Variants in CFAP46 observed in about 807,000 individuals in gnomAD.
CFAP46 encodes the protein cilia and flagella associated protein 46, also known as cilia- and flagella-associated protein 46.
CFAP46 carries 245 observed loss-of-function variants against 325.7 expected under a neutral mutation model. That is an observed-to-expected ratio of 0.75 (90% confidence interval 0.68 to 0.84). The LOEUF (loss-of-function observed/expected upper bound fraction) is 0.84. CFAP46 is among the 40% of genes least tolerant of loss of function. CFAP46 has a pLI of 0.00. For synonymous variants in CFAP46, 1,523 were observed against 1,495.9 expected (o/e 1.02, Z -0.42); for missense variants, 3,346 against 3,543.0 (o/e 0.94, Z 1.41).
In CFAP46 at chr10:132,907,118, C is replaced by T. The variant is rs111549755; in HGVS notation, c.2924+1350G>A. ...TGTGCAGGGCTGTGGGAAGATGGGG[C>T]GTGGGCCTGGGGCGCTCCTTGCCTC... On this transcript the variant is annotated intron_variant, in intron 22 of 57. Transcript: ENST00000368586. Among the ~76,000 whole-genome samples, 855 of 152,352 alleles carry T rather than the reference C, an allele frequency of 5.6e-3. 12 individuals carry two copies. The highest frequency in any genetic ancestry group is 0.019 in the African/African-American group (788 of 41,584).
At chr10:132,858,610 C>A (rs988788259) in intron 38 of CFAP46, among the ~76,000 whole-genome samples, 2 of 152,040 alleles carry the variant, frequency 1.3e-5, no homozygotes, top group Non-Finnish European at 2.9e-5. Context: ...CGCTACAGAG[C>A]CATGCAGGGC....
At position 132,866,188 on chromosome 10, in the gene CFAP46, C is replaced by T. The variant is rs1310164368; in HGVS notation, c.4744-17G>A. The T allele has an allele frequency of 3.3e-6, 5 of 1,501,202 alleles. No homozygotes were observed. The highest frequency in any genetic ancestry group is 4.5e-6 in the Non-Finnish European group (5 of 1,120,864). The allele number at this position is 1,501,202 out of a possible 1,614,324, so 93.0% of individuals were successfully genotyped here. On this transcript the variant is annotated splice_polypyrimidine_tract_variant and intron_variant, in intron 34 of 57. Coordinates refer to ENST00000368586, the MANE Select transcript of CFAP46 (RefSeq NM_001200049.3). ...CTTCAAAATCTGTAAGATACCGCAG[C>T]CCCAGGCGGCACGATCCTGACACTT... is the stretch of plus-strand genomic sequence containing the variant.
At chr10:132,875,566 C>T (rs1303728747) in intron 31 of CFAP46, among the ~76,000 whole-genome samples, 2 of 152,170 alleles carry the variant, frequency 1.3e-5, no homozygotes, top group Non-Finnish European at 2.9e-5. Context: ...GACCCCAAAG[C>T]AGCCCCATGC....
At chr10:132,935,955 C>A (rs113419083) in intron 7 of CFAP46, among the ~76,000 whole-genome samples, 47 of 56,414 alleles carry the variant, frequency 8.3e-4, no homozygotes, top group Admixed American at 2.3e-3. Context: ...AAACACACTG[C>A]GATCTCCTCA....
chr10:132,865,576 G>C (rs1000996353), intron 35 of CFAP46, among the ~76,000 whole-genome samples: 3 of 152,188 alleles, frequency 2.0e-5, no homozygotes, highest in East Asian at 1.9e-4. Flanking sequence ...CAGGGAGTGA[G>C]AGCAAAACAA....
chr10:132,821,511 CTGTGTGCTGTGTGCTGATGTGTGCTGA>C lies in CFAP46; in HGVS notation c.7118-6624_7118-6598del, dbSNP rs1366175786. On this transcript the variant is annotated intron_variant, in intron 50 of 57. Coordinates refer to ENST00000368586, the MANE Select transcript of CFAP46 (RefSeq NM_001200049.3). The stretch of plus-strand genomic sequence containing the variant: ...TGAGTGCTGATGTGTGCTGTGTGCG[CTGTGTGCTGTGTGCTGATGTGTGCTGA>C]TGTGTGCTGTGTGCTGACGTGTGCT... 1.2e-4 allele frequency among the ~76,000 whole-genome samples: 14 copies of C among 115,280 alleles called. No homozygotes were observed. The East Asian group carries it at 3.1e-3, about 26-fold the overall frequency. 75.6% of individuals were successfully genotyped at this position (115,280 alleles called of 152,430 possible). A position where few individuals can be genotyped will look rare whatever the true frequency, so the allele number is the denominator to read the frequency against.
chr10:132,865,591 A>C (rs1464132423), intron 35 of CFAP46, among the ~76,000 whole-genome samples: 1 of 152,178 alleles, frequency 6.6e-6, no homozygotes, highest in African/African-American at 2.4e-5. Context: ...AAACAAACAA[A>C]GACCAGACCA....
At chr10:132,820,316 A>C (rs914499205) in intron 50 of CFAP46, among the ~76,000 whole-genome samples, 1 of 150,828 alleles carries the variant, frequency 6.6e-6, no homozygotes, top group Non-Finnish European at 1.5e-5. Context: ...AGCTCACAGA[A>C]GCAGAGTGAG....
At chr10:132,891,149 G>A (rs144676727) in intron 25 of CFAP46, among the ~76,000 whole-genome samples, 1,860 of 152,306 alleles carry the variant, frequency 0.012, 34 homozygotes, top group African/African-American at 0.04. Flanking sequence ...GCCAGACTTC[G>A]CGGCAGCCAC....
intron 39 of CFAP46, among the ~76,000 whole-genome samples, chr10:132,852,329 G>C (rs57507355): frequency 2.3e-5 from 1 of 43,940 alleles, no homozygotes; most frequent in Non-Finnish European, 4.8e-5. Flanking sequence ...ATTTACTTAG[G>C]AATTCTCAGA....
chr10:132,821,889 G>C (rs1177837990), intron 50 of CFAP46, among the ~76,000 whole-genome samples: 1 of 144,306 alleles, frequency 6.9e-6, no homozygotes, highest in African/African-American at 2.6e-5. Context: ...TGTGTGCAGT[G>C]ATGTGTGTTG....
At chr10:132,809,685 C>T (rs545519179) in intron 57 of CFAP46, among the ~76,000 whole-genome samples, 1 of 152,182 alleles carries the variant, frequency 6.6e-6, no homozygotes, top group East Asian at 1.9e-4. Context: ...GGCTCCTCCC[C>T]GGGGTCCCGG....
At chr10:132,823,860 TGCTGTCTGTGCGCTGATGTGC>T (rs1314130249) in intron 50 of CFAP46, among the ~76,000 whole-genome samples, 77 of 148,212 alleles carry the variant, frequency 5.2e-4, no homozygotes, top group African/African-American at 1.8e-3. Context: ...TGCTGATGTG[TGCTGTCTGTGCGCTGATGTGC>T]GCTGTCTGTG....
intron 9 of CFAP46, 95 bp from the exon 10 acceptor site, chr10:132,926,761 G>A (rs1849817233): frequency 2.2e-6 from 2 of 912,220 alleles, no homozygotes; most frequent in Admixed American, 2.1e-5. Context: ...ATATTACTGG[G>A]TAGAGGTTTA....
intron 10 of CFAP46, among the ~76,000 whole-genome samples, chr10:132,925,811 C>A (rs1374917598): frequency 1.3e-5 from 2 of 152,178 alleles, no homozygotes; most frequent in Admixed American, 6.5e-5. Flanking sequence ...ATGGGGAAGG[C>A]CTCCCAGCTG....
intron 23 of CFAP46, among the ~76,000 whole-genome samples, 187 bp downstream of exon 23, chr10:132,899,348 C>T (rs928960511): frequency 1.3e-5 from 2 of 152,216 alleles, no homozygotes; most frequent in African/African-American, 2.4e-5. Flanking sequence ...CAGGTGGGTA[C>T]AAGGGCAAGA....
chr10:132,833,108 A>C (rs4880432), intron 50 of CFAP46, among the ~76,000 whole-genome samples: 2 of 151,764 alleles, frequency 1.3e-5, no homozygotes, highest in Non-Finnish European at 2.9e-5. Context: ...CTGAGTAGCC[A>C]GGACCACAGG....
Position 132,827,399 on chromosome 10 carries a change from C to T in CFAP46, c.7117+5959G>A, listed in dbSNP as rs1332086290. 6.6e-6 allele frequency among the ~76,000 whole-genome samples: 1 copy of T among 152,132 alleles called. No individual in the cohort carries two copies. The highest frequency in any genetic ancestry group is 2.4e-5 in the African/African-American group (1 of 41,428). The stretch of plus-strand genomic sequence containing the variant: ...TGGGACACGGTGCCTGCAGGGCCCT[C>T]TGTCCTTGGACCTCCTCCTTCAAGG... On this transcript the variant is annotated intron_variant, in intron 50 of 57. Transcript: ENST00000368586. The surrounding 1 kb of genome is among the most constrained non-coding windows in gnomAD (Gnocchi z 5.7).
At chr10:132,891,225 C>A (rs1388011476) in intron 25 of CFAP46, among the ~76,000 whole-genome samples, 2 of 152,126 alleles carry the variant, frequency 1.3e-5, no homozygotes, top group Non-Finnish European at 2.9e-5. Flanking sequence ...TCATGTAAAC[C>A]AAAAATAACA....
Sources: allele counts gnomAD v4.1 joint callset (sites outside exome capture counted in the v4.1 genomes callset), GRCh38; gene constraint gnomAD v4.1.1; non-coding constraint Gnocchi (gnomAD v3.1); transcripts MANE v1.5; gene names NCBI Gene and HGNC (gene_info 2026-07-23, HGNC 2026-07-21).